Variants in CDH4 observed in about 807,000 individuals in gnomAD.
The protein encoded by CDH4 is cadherin-4.
CDH4 carries 33 observed loss-of-function variants against 86.0 expected under a neutral mutation model. The observed-to-expected ratio is 0.38, with a 90% CI of 0.29 to 0.51. The LOEUF (loss-of-function observed/expected upper bound fraction) is 0.51, where lower values mean the gene tolerates loss of function less well. Among genes scored for constraint, CDH4 ranks in the 20% least tolerant of loss-of-function variants. The pLI is 0.86. For synonymous variants in CDH4, 555 were observed against 549.4 expected (o/e 1.01, Z -0.14); for missense variants, 1,114 against 1,307.4 (o/e 0.85, Z 2.28).
chr20:61,281,515 C>T (rs867383270), intron 2 of CDH4, among the ~76,000 whole-genome samples: 18 of 152,290 alleles, frequency 1.2e-4, no homozygotes, highest in Middle Eastern at 6.8e-3. Flanking sequence ...GTTTGTGGGC[C>T]GCCCAAGGGA....
At chr20:61,860,441 C>G (rs533552132) in intron 6 of CDH4, among the ~76,000 whole-genome samples, 1 of 152,330 alleles carries the variant, frequency 6.6e-6, no homozygotes, top group South Asian at 2.1e-4. Context: ...AGTTTTCTGG[C>G]CTGGGATGGG....
intron 8 of CDH4, among the ~76,000 whole-genome samples, chr20:61,896,873 C>T (rs111304398): frequency 0.012 from 1,818 of 152,290 alleles, 40 homozygotes; most frequent in African/African-American, 0.041. Flanking sequence ...ACAGCCCCAG[C>T]TGTCCTTCCT....
chr20:61,346,992 C>T (rs1228991067), intron 2 of CDH4, among the ~76,000 whole-genome samples: 1 of 152,176 alleles, frequency 6.6e-6, no homozygotes. Context: ...CCATCTCTCC[C>T]ATTGTCTAAT....
At chr20:61,267,633 C>A (rs2084163941) in intron 2 of CDH4, among the ~76,000 whole-genome samples, 1 of 152,150 alleles carries the variant, frequency 6.6e-6, no homozygotes, top group South Asian at 2.1e-4. Context: ...GGAATCTTAA[C>A]AAGGATTATA....
chr20:61,882,646 G>A (rs1984333895), intron 7 of CDH4, among the ~76,000 whole-genome samples: 1 of 152,156 alleles, frequency 6.6e-6, no homozygotes, highest in Non-Finnish European at 1.5e-5. Flanking sequence ...CTGAGTCACT[G>A]TGTGCGGCTG....
chr20:61,444,120 C>G (rs2085329632), intron 2 of CDH4, among the ~76,000 whole-genome samples: 1 of 148,734 alleles, frequency 6.7e-6, no homozygotes, highest in Non-Finnish European at 1.5e-5. Context: ...GTGTGTATCT[C>G]TATATGTGTC....
chr20:61,293,432 C>T (rs975075441), intron 2 of CDH4, among the ~76,000 whole-genome samples: 1 of 152,096 alleles, frequency 6.6e-6, no homozygotes, highest in Non-Finnish European at 1.5e-5. Context: ...GCTGGAGAGG[C>T]CCCAGGTGCC....
chr20:61,348,560 G>A (rs2084692546), intron 2 of CDH4, among the ~76,000 whole-genome samples: 1 of 152,118 alleles, frequency 6.6e-6, no homozygotes, highest in South Asian at 2.1e-4. Context: ...AGCTTCCAGT[G>A]AGAGCTTCAC....
At chr20:61,870,783 C>T (rs1480987495) in intron 6 of CDH4, among the ~76,000 whole-genome samples, 5 of 152,092 alleles carry the variant, frequency 3.3e-5, no homozygotes, top group Non-Finnish European at 2.9e-5. Flanking sequence ...TCAAATAGTG[C>T]CTGATGCGCC....
intron 2 of CDH4, among the ~76,000 whole-genome samples, chr20:61,658,956 G>A (rs77938871): frequency 0.018 from 2,807 of 152,218 alleles, 77 homozygotes; most frequent in African/African-American, 0.063. Context: ...TGTGGCCCCC[G>A]GAGCAGCGGC....
intron 2 of CDH4, among the ~76,000 whole-genome samples, chr20:61,369,280 C>G (rs1361892447): frequency 2.0e-5 from 3 of 151,362 alleles, no homozygotes; most frequent in African/African-American, 4.9e-5. Flanking sequence ...GTGAAACCCC[C>G]TCTCTACTAA....
At chr20:61,484,937 G>T (rs2085587869) in intron 2 of CDH4, among the ~76,000 whole-genome samples, 1 of 152,206 alleles carries the variant, frequency 6.6e-6, no homozygotes, top group Non-Finnish European at 1.5e-5. Context: ...GGATAAAGGT[G>T]CCAGTGTTTT....
chr20:61,651,896 C>A (rs923590525), intron 2 of CDH4, among the ~76,000 whole-genome samples: 1 of 152,142 alleles, frequency 6.6e-6, no homozygotes, highest in Non-Finnish European at 1.5e-5. Flanking sequence ...CAGGCAGGGC[C>A]CCAGCTCTGG....
intron 5 of CDH4, 140 bp from the exon 6 acceptor site, chr20:61,852,614 C>T (rs1308642346): frequency 5.6e-5 from 39 of 693,230 alleles, no homozygotes; most frequent in South Asian, 2.6e-4. Context: ...AATTCCATGA[C>T]GTGTCCAAAG....
intron 2 of CDH4, among the ~76,000 whole-genome samples, chr20:61,591,952 C>T (rs2086522153): frequency 6.6e-6 from 1 of 152,168 alleles, no homozygotes; most frequent in Non-Finnish European, 1.5e-5. Context: ...CTCTGTTTGT[C>T]CTTGCAGCAA....
chr20:61,934,188 C>A lies in CDH4; in HGVS notation c.2512C>A (p.His838Asn). ...GTACCCGATCAGGCCCATGGTGCCG[C>A]ACCCAGGCGACATCGGTGACTTCAT... ...PQYPIRPMVP[H>N]PGDIGDFINE... The change falls in exon 15 of 16, where the codon CAC becomes AAC. Residue 838 changes from histidine (H) to asparagine (N), a missense_variant. Around this residue, in one of 3 missense-constraint regions of CDH4, gnomAD observed 188 missense variants for 183.8 expected, o/e 1.02. Transcript: ENST00000614565. The A allele has an allele frequency of 6.3e-7, 1 of 1,582,396 alleles. No individual in the cohort carries two copies. Among genetic ancestry groups the A allele is most frequent in the Non-Finnish European group, 8.6e-7 (1 of 1,159,770 alleles).
At chr20:61,616,041 C>G (rs1202976111) in intron 2 of CDH4, among the ~76,000 whole-genome samples, 1 of 152,216 alleles carries the variant, frequency 6.6e-6, no homozygotes, top group Non-Finnish European at 1.5e-5. Flanking sequence ...CCACGGGCCC[C>G]CTGCGTCGTC....
chr20:61,262,971 G>GAA (rs2084136217), intron 2 of CDH4, among the ~76,000 whole-genome samples: 1 of 151,530 alleles, frequency 6.6e-6, no homozygotes, highest in African/African-American at 2.4e-5. Context: ...AACTGAGAGA[G>GAA]AGAGAGAGAG....
At chr20:61,652,938 A>ATTTTTTTATTTTT (rs1555819717) in intron 2 of CDH4, among the ~76,000 whole-genome samples, 10 of 97,436 alleles carry the variant, frequency 1.0e-4, no homozygotes, top group African/African-American at 3.0e-4. Flanking sequence ...TTATTTATTT[A>ATTTTTTTATTTTT]TTTTTTTTTT....
Sources: gnomAD v4.1 joint callset for allele counts (sites outside exome capture counted in the v4.1 genomes callset) on GRCh38, gnomAD v4.1.1 for gene constraint, gnomAD v4.1.1 regional missense constraint, MANE v1.5 for transcripts, NCBI Gene and HGNC (gene_info 2026-07-23, HGNC 2026-07-21) for gene names.